The following USP49 variants were observed in gnomAD, a reference collection of about 807,000 sequenced individuals.
USP49 encodes ubiquitin specific peptidase 49.
USP49 carries 24 observed loss-of-function variants against 58.6 expected under a neutral mutation model. That is an observed-to-expected ratio of 0.41 (90% CI 0.30 to 0.58). The LOEUF (loss-of-function observed/expected upper bound fraction) is 0.58. Among genes scored for constraint, USP49 ranks in the 20% least tolerant of loss-of-function variants. The pLI is 0.30. For synonymous variants in USP49, 408 were observed against 365.1 expected, an observed-to-expected ratio of 1.12 and a Z score of -1.34; for missense variants, 703 against 866.1, an observed-to-expected ratio of 0.81 and a Z score of 2.36.
intron 2 of USP49, among the ~76,000 whole-genome samples, chr6:41,881,503 A>C (rs1774608081): frequency 6.6e-6 from 1 of 152,000 alleles, no homozygotes; most frequent in Non-Finnish European, 1.5e-5. Context: ...TGATTTTTCC[A>C]ATCAAGATTT....
intron 3 of USP49, among the ~76,000 whole-genome samples, chr6:41,856,374 C>CA (rs534562516): frequency 0.083 from 9,760 of 117,880 alleles, 526 homozygotes; most frequent in South Asian, 0.18. Flanking sequence ...GACCCCGTCT[C>CA]AAAAAAAAAA....
chr6:41,874,987 A>G (rs1167746948), intron 2 of USP49, among the ~76,000 whole-genome samples: 4 of 151,968 alleles, frequency 2.6e-5, no homozygotes. Flanking sequence ...AGAGAGAGAA[A>G]GAAAGAAAGA....
At chr6:41,817,424 G>A (rs1291378331) in intron 3 of USP49, among the ~76,000 whole-genome samples, 1 of 149,704 alleles carries the variant, frequency 6.7e-6, no homozygotes, top group East Asian at 2.0e-4. Context: ...GGGATTACAG[G>A]CATGAGCCAC....
At chr6:41,858,129 G>C (rs1232204647) in intron 3 of USP49, among the ~76,000 whole-genome samples, 48 of 152,066 alleles carry the variant, frequency 3.2e-4, no homozygotes. Context: ...CATCATTCAG[G>C]TATCTTCCTG....
At chr6:41,863,762 A>G (rs1774263004) in intron 3 of USP49, among the ~76,000 whole-genome samples, 1 of 152,102 alleles carries the variant, frequency 6.6e-6, no homozygotes, top group South Asian at 2.1e-4. Context: ...GAATTTTCTA[A>G]ACCTCAGTAT....
chr6:41,794,169 G>A lies in USP49; in HGVS notation c.*2364C>T, dbSNP rs549416731. On this transcript the variant is annotated 3_prime_UTR_variant, in exon 8 of 8. Coordinates refer to ENST00000682992, the MANE Select transcript of USP49 (RefSeq NM_001286554.2). Reference sequence around the variant, plus strand: ...AGTGCTGCCGCCTCTGGGTACCTGAGGTGTCTGTAACTGCAGTGGGCACCT... The same window carrying A: ...AGTGCTGCCGCCTCTGGGTACCTGAAGTGTCTGTAACTGCAGTGGGCACCT... 1 of 152,394 alleles carries A rather than the reference G, an allele frequency of 6.6e-6. No homozygotes were observed. The highest frequency in any genetic ancestry group is 2.1e-4 in the South Asian group (1 of 4,824). The allele number at this position is 152,394 out of a possible 1,614,324, so 9.4% of individuals were successfully genotyped here.
intron 3 of USP49, among the ~76,000 whole-genome samples, chr6:41,855,324 G>T (rs9462749): frequency 2.0e-5 from 3 of 151,754 alleles, no homozygotes; most frequent in African/African-American, 7.3e-5. Context: ...AGGCCTGCCT[G>T]ACCAACATGG....
chr6:41,827,641 T>C (rs987440503), intron 3 of USP49, among the ~76,000 whole-genome samples: 16 of 106,148 alleles, frequency 1.5e-4, no homozygotes, highest in East Asian at 7.8e-4. Context: ...GCCTGGGCAA[T>C]AGAGCAAGGG....
intron 3 of USP49, among the ~76,000 whole-genome samples, chr6:41,852,663 C>T (rs1475976149): frequency 6.6e-6 from 1 of 152,116 alleles, no homozygotes; most frequent in African/African-American, 2.4e-5. Flanking sequence ...AAGCAATATA[C>T]AGATTCGATG....
At chr6:41,824,989 G>A (rs1773514604) in intron 3 of USP49, among the ~76,000 whole-genome samples, 2 of 152,218 alleles carry the variant, frequency 1.3e-5, no homozygotes, top group African/African-American at 4.8e-5. Context: ...ACTATAGTGA[G>A]CAGGCACAAG....
chr6:41,851,638 A>C (rs1227108803), intron 3 of USP49, among the ~76,000 whole-genome samples: 1 of 152,190 alleles, frequency 6.6e-6, no homozygotes, highest in African/African-American at 2.4e-5. Flanking sequence ...TAGTCAGTGC[A>C]ATTAGGCAAA....
At chr6:41,817,117 G>C (rs1413011101) in intron 3 of USP49, among the ~76,000 whole-genome samples, 1 of 148,900 alleles carries the variant, frequency 6.7e-6, no homozygotes, top group Non-Finnish European at 1.5e-5. Context: ...TGGGATTATA[G>C]GCACATGCCA....
At chr6:41,818,751 G>T (rs1582001355) in intron 3 of USP49, among the ~76,000 whole-genome samples, 1 of 152,310 alleles carries the variant, frequency 6.6e-6, no homozygotes, top group Middle Eastern at 3.4e-3. Flanking sequence ...TCACAGGCCA[G>T]AATTTTTCTT....
At chr6:41,886,350 G>A (rs1378823094) in intron 2 of USP49, 1 of 152,152 alleles carries the variant, frequency 6.6e-6, no homozygotes, top group Non-Finnish European at 1.5e-5. Flanking sequence ...GATGACCTCT[G>A]TTCATAAATG....
At chr6:41,821,198 C>A (rs1773446350) in intron 3 of USP49, among the ~76,000 whole-genome samples, 1 of 152,104 alleles carries the variant, frequency 6.6e-6, no homozygotes, top group Admixed American at 6.6e-5. Flanking sequence ...CCCACCTGAT[C>A]CCCCACACCA....
At position 41,790,170 on chromosome 6, in the gene USP49, A is replaced by G. The variant is rs1012495781; in HGVS notation, c.*6363T>C. 2 of 152,214 alleles carry G rather than the reference A, an allele frequency of 1.3e-5. No individual in the cohort carries two copies. Among genetic ancestry groups the G allele is most frequent in the African/African-American group, 4.8e-5 (2 of 41,454 alleles). The allele number at this position is 152,214 out of a possible 1,614,324, so 9.4% of individuals were successfully genotyped here. ...AGGGGAAGAAGCCATTTGGTGTTGC[A>G]TAGCATTTTAGTGCACCAGATGGGT... On this transcript the variant is annotated 3_prime_UTR_variant, in exon 8 of 8. Coordinates refer to ENST00000682992, the MANE Select transcript of USP49 (RefSeq NM_001286554.2).
At chr6:41,852,607 T>C (rs2127351006) in intron 3 of USP49, among the ~76,000 whole-genome samples, 1 of 152,330 alleles carries the variant, frequency 6.6e-6, no homozygotes, top group East Asian at 1.9e-4. Context: ...ATATCCATGT[T>C]CCTGGATTGG....
At chr6:41,889,053 G>C (rs1243298815) in intron 2 of USP49, among the ~76,000 whole-genome samples, 1 of 150,378 alleles carries the variant, frequency 6.6e-6, no homozygotes, top group East Asian at 2.0e-4. Flanking sequence ...TTATTTTTGA[G>C]ACAGAGTCTC....
intron 2 of USP49, among the ~76,000 whole-genome samples, chr6:41,878,717 A>G (rs1774547256): frequency 6.6e-6 from 1 of 152,226 alleles, no homozygotes; most frequent in Admixed American, 6.5e-5. Flanking sequence ...CAGCAAAGCA[A>G]TAATTTTAAT....
Sources: gnomAD v4.1 joint callset for allele counts (sites outside exome capture counted in the v4.1 genomes callset) on GRCh38, gnomAD v4.1.1 for gene constraint, MANE v1.5 for transcripts, NCBI Gene and HGNC (gene_info 2026-07-23, HGNC 2026-07-21) for gene names.